Variants in SLC27A3 observed in about 807,000 individuals in gnomAD.
SLC27A3 encodes the protein solute carrier family 27 member 3.
Under a neutral mutation model 60.1 loss-of-function variants are expected in SLC27A3, and 60 were observed. The ratio of observed to expected loss-of-function variants is 1.00; its 90% CI spans 0.81 to 1.24. The LOEUF (loss-of-function observed/expected upper bound fraction) is 1.24, where lower values mean the gene tolerates loss of function less well. Among genes scored for constraint, SLC27A3 ranks in the 50% most tolerant of loss-of-function variants. The pLI is 0.00. For missense variants in SLC27A3, 1,079 were observed against 929.9 expected, an observed-to-expected ratio of 1.16 and a Z score of -2.09; for synonymous variants, 455 against 409.0, an observed-to-expected ratio of 1.11 and a Z score of -1.36.
Position 153,778,721 on chromosome 1 carries a change from G to A in SLC27A3, c.1482G>A (p.Gln494=). ...GGCTGCTGGTGGCCCCGGTAAGCCA[G>A]CAGTCCCCATTCCTGGGCTATGCTG... The part of the protein sequence containing the change: ...EPGLLVAPVS[Q]QSPFLGYAGG... Residue 494 remains glutamine, a synonymous_variant, in exon 7 of 10, where the codon CAG becomes CAA. Coordinates refer to ENST00000624995, the MANE Select transcript of SLC27A3 (RefSeq NM_024330.4). 1 of 1,613,412 alleles carries A rather than the reference G, an allele frequency of 6.2e-7. No individual in the cohort carries two copies. Among genetic ancestry groups the A allele is most frequent in the Non-Finnish European group, 8.5e-7 (1 of 1,180,008 alleles).
intron 7 of SLC27A3, 53 bp from the exon 8 acceptor site, chr1:153,779,061 C>A: frequency 6.4e-7 from 1 of 1,572,504 alleles, no homozygotes. Flanking sequence ...CCCCACCAAG[C>A]CCATAAGGCC....
rs769149759 is a variant in SLC27A3 at position 153,777,781 on chromosome 1, T to G, written c.1057T>G (p.Ser353Ala). ...GGCAGGGGCCACAGTGGTGCTGAAA[T>G]CCAAGTTCTCGGCTGGTCAGTTCTG... ...MGIGATVVLK[S>A]KFSAGQFWED... The change falls in exon 4 of 10, where the codon TCC becomes GCC. Residue 353 changes from serine to alanine, a missense_variant. Physicochemically the swap from Ser to Ala is moderately conservative, Grantham distance 99 (BLOSUM62 1). Transcript: ENST00000624995. The G allele has an allele frequency of 1.2e-6, 2 of 1,614,164 alleles. No individual in the cohort carries two copies. The highest frequency in any genetic ancestry group is 1.7e-6 in the Non-Finnish European group (2 of 1,180,020).
intron 1 of SLC27A3, 27 bp from the exon 2 acceptor site, chr1:153,776,491 C>T: frequency 3.1e-6 from 5 of 1,596,968 alleles, no homozygotes; most frequent in Non-Finnish European, 4.3e-6. Context: ...GCCAGGGCCC[C>T]GGCGTTGTGC....
In SLC27A3 at chr1:153,780,147, T is replaced by A; in HGVS notation, c.*145T>A. On this transcript the variant is annotated 3_prime_UTR_variant, in exon 10 of 10. Transcript: ENST00000624995. ...TGTGGCTGGAGCTGATCCAGCTGTC[T>A]CTGACCTACAGTATCTGTCATTATC... 1.4e-6 allele frequency: 1 copy of A among 708,542 alleles called. No homozygotes were observed. The highest frequency in any genetic ancestry group is 2.3e-6 in the Non-Finnish European group (1 of 435,150). 43.9% of individuals were successfully genotyped at this position (708,542 alleles called of 1,614,324 possible). A position where few individuals can be genotyped will look rare whatever the true frequency, so the allele number is the denominator to read the frequency against.
At chr1:153,776,457 G>A in intron 1 of SLC27A3, 61 bp from the exon 2 acceptor site, 5 of 1,473,990 alleles carry the variant, frequency 3.4e-6, no homozygotes, top group Non-Finnish European at 4.6e-6. Flanking sequence ...GAGGGGACAT[G>A]GGTCATAGGC....
chr1:153,776,957 C>A, intron 2 of SLC27A3, 105 bp from the exon 3 acceptor site: 1 of 1,309,526 alleles, frequency 7.6e-7, no homozygotes, highest in Non-Finnish European at 1.1e-6. Flanking sequence ...CAGCTTCTGT[C>A]CTGCCTCCGC....
In SLC27A3 at chr1:153,776,604, G is replaced by A; in HGVS notation, c.754G>A (p.Ala252Thr). 1 of 1,614,216 alleles carries A rather than the reference G, an allele frequency of 6.2e-7. No homozygotes were observed. Among genetic ancestry groups the A allele is most frequent in the Non-Finnish European group, 8.5e-7 (1 of 1,180,034 alleles). The change falls in exon 2 of 10, where the codon GCT becomes ACT. Residue 252 changes from alanine to threonine, a missense_variant. Ala to Thr is a moderately conservative substitution (Grantham distance 58). Transcript: ENST00000624995. Reference sequence around the variant, plus strand: ...GGCTGCAGGCCCAGGAACCCACCCTGCTGGAATTAGCGATTTGCTGGCTGA... The same window carrying A: ...GGCTGCAGGCCCAGGAACCCACCCTACTGGAATTAGCGATTTGCTGGCTGA... The part of the protein sequence containing the change: ...LWAAGPGTHP[A>T]GISDLLAEVS...
intron 4 of SLC27A3, 101 bp from the exon 5 acceptor site, chr1:153,778,060 G>GTCACAT: frequency 2.7e-6 from 4 of 1,487,576 alleles, no homozygotes; most frequent in Non-Finnish European, 3.6e-6. Flanking sequence ...TCTGAAGGAG[G>GTCACAT]TCACAGTAGG....
Position 153,775,843 on chromosome 1 carries a change from G to A in SLC27A3, c.346G>A (p.Gly116Arg), listed in dbSNP as rs764414485. The A allele has an allele frequency of 2.7e-6, 4 of 1,493,748 alleles. No homozygotes were observed. In the African/African-American group the frequency reaches 5.9e-5, roughly 22 times the overall value. 92.5% of individuals were successfully genotyped at this position (1,493,748 alleles called of 1,614,324 possible). Reference protein sequence around the residue: ...AFLRALGWDWGPDGGDSGEGS... With the variant: ...AFLRALGWDWRPDGGDSGEGS... ...CCTACGTGCGCTAGGCTGGGACTGGGGACCCGACGGCGGCGACAGCGGCGA... is the reference window on the plus strand; with the variant it reads ...CCTACGTGCGCTAGGCTGGGACTGGAGACCCGACGGCGGCGACAGCGGCGA... The change falls in exon 1 of 10, where the codon GGA (glycine) becomes AGA (arginine). Residue 116 changes from glycine (G) to arginine (R), a missense_variant. By Grantham distance (125) the Gly-to-Arg change is moderately radical. Coordinates refer to ENST00000624995, the MANE Select transcript of SLC27A3 (RefSeq NM_024330.4).
intron 4 of SLC27A3, 94 bp downstream of exon 4, chr1:153,777,979 A>G: frequency 3.8e-6 from 6 of 1,561,868 alleles, no homozygotes; most frequent in Non-Finnish European, 5.2e-6. Context: ...TGGAGGGAGA[A>G]GCAGCAAGAA....
Position 153,779,463 on chromosome 1 carries a change from T to G in SLC27A3, c.1865T>G (p.Leu622Arg). 6.2e-7 allele frequency: 1 copy of G among 1,613,152 alleles called. No individual in the cohort carries two copies. Among genetic ancestry groups the G allele is most frequent in the Non-Finnish European group, 8.5e-7 (1 of 1,179,868 alleles). The change falls in exon 9 of 10, where the codon CTC (leucine) becomes CGC (arginine). Residue 622 changes from leucine (L) to arginine (R), a missense_variant. By Grantham distance (102) the Leu-to-Arg change is moderately radical. Transcript: ENST00000624995. ...NLPPYARPRF[L>R]RLQESLATTE... is the part of the protein sequence containing the mutation. ...CCACCTTATGCCCGGCCCCGATTCCTCAGGCTCCAGGTAACCGGCCACTTC... is the reference window on the plus strand; with the variant it reads ...CCACCTTATGCCCGGCCCCGATTCCGCAGGCTCCAGGTAACCGGCCACTTC...
Position 153,779,851 on chromosome 1 carries a change from T to TCAAA in SLC27A3, c.1904_1907dup (p.Gln637ThrfsTer9), listed in dbSNP as rs754569929. ...GAGTCTTTGGCCACCACAGAGACCT[T>TCAAA]CAAACAGCAGAAAGTTCGGATGGCA... is the stretch of plus-strand genomic sequence containing the variant. On this transcript the variant is annotated frameshift_variant, in exon 10 of 10. Coordinates refer to ENST00000624995, the MANE Select transcript of SLC27A3 (RefSeq NM_024330.4). LOFTEE classifies it low-confidence loss of function (END_TRUNC). The TCAAA allele has an allele frequency of 3.1e-6, 5 of 1,613,674 alleles. No individual in the cohort carries two copies. In the African/African-American group the frequency reaches 4.0e-5, roughly 13 times the overall value.
Position 153,775,563 on chromosome 1 carries a change from C to G in SLC27A3, c.66C>G (p.Leu22=). Residue 22 remains leucine, a synonymous_variant, in exon 1 of 10, where the codon CTC becomes CTG. Coordinates refer to ENST00000624995, the MANE Select transcript of SLC27A3 (RefSeq NM_024330.4). ...LLPLLLLKLH[L]WPQLRWLPAD... is the part of the protein sequence containing the mutation. Reference sequence around the variant, plus strand: ...CGCTGCTGCTGCTGAAGCTACACCTCTGGCCGCAGTTGCGCTGGCTTCCGG... The same window carrying G: ...CGCTGCTGCTGCTGAAGCTACACCTGTGGCCGCAGTTGCGCTGGCTTCCGG... 6.2e-7 allele frequency: 1 copy of G among 1,611,164 alleles called. No individual in the cohort carries two copies. The highest frequency in any genetic ancestry group is 8.5e-7 in the Non-Finnish European group (1 of 1,179,758).
rs757176382 is a variant in SLC27A3 at position 153,776,088 on chromosome 1, G to A, written c.591G>A (p.Val197=). ...LAKAGLRTAF[V]PTALRRGPLL... ...AGGCCGGCCTGCGCACTGCCTTTGT[G>A]CCCACCGCCCTGCGCCGGGGCCCCC... Residue 197 remains valine (V), a synonymous_variant, in exon 1 of 10, where the codon GTG becomes GTA. Transcript: ENST00000624995. The A allele has an allele frequency of 1.3e-6, 2 of 1,484,434 alleles. No homozygotes were observed. The highest frequency in any genetic ancestry group is 1.8e-6 in the Non-Finnish European group (2 of 1,131,350). 92.0% of individuals were successfully genotyped at this position (1,484,434 alleles called of 1,614,324 possible).
At chr1:153,779,678 T>G (rs1570904000) in intron 9 of SLC27A3, 148 bp from the exon 10 acceptor site, 2 of 712,812 alleles carry the variant, frequency 2.8e-6, no homozygotes, top group Non-Finnish European at 4.3e-6. Context: ...CTGGCCTGGC[T>G]CTTTCTCCTC....
chr1:153,780,002 A>G lies in SLC27A3; in HGVS notation c.2052A>G (p.Ter684TrpextTer?), dbSNP rs199682747. 6.0e-5 allele frequency: 96 copies of G among 1,610,468 alleles called. No homozygotes were observed. The Admixed American group carries it at 7.6e-4, about 13-fold the overall frequency. Residue 684 changes from the stop codon to tryptophan (W), a stop_lost, in exon 10 of 10, where the codon TGA becomes TGG. Transcript: ENST00000624995. ...SALLAGNLRI[*>W] is the part of the protein sequence containing the mutation. ...TCCTGGCAGGAAACCTTCGAATCTG[A>G]GAACTTCCACACCTGAGGCACCTGA...
chr1:153,776,336 G>T (rs974239860), intron 1 of SLC27A3, 172 bp downstream of exon 1: 1 of 1,383,128 alleles, frequency 7.2e-7, no homozygotes, highest in African/African-American at 1.5e-5. Flanking sequence ...GGATGAGGCT[G>T]AATCTTTGGT....
chr1:153,775,652 C>T lies in SLC27A3; in HGVS notation c.155C>T (p.Ala52Val). The T allele has an allele frequency of 1.3e-6, 2 of 1,528,386 alleles. No individual in the cohort carries two copies. Among genetic ancestry groups the T allele is most frequent in the Admixed American group, 2.0e-5 (1 of 49,782 alleles). 94.7% of individuals were successfully genotyped at this position (1,528,386 alleles called of 1,614,324 possible). The change falls in exon 1 of 10, where the codon GCC (alanine) becomes GTC (valine). Residue 52 changes from alanine (A) to valine (V), a missense_variant. Transcript: ENST00000624995. ...CKRALRARAL[A>V]AAAADPEGPE... Reference sequence around the variant, plus strand: ...AGGGCTCTTCGAGCTCGCGCCCTGGCCGCGGCTGCCGCCGACCCGGAAGGT... The same window carrying T: ...AGGGCTCTTCGAGCTCGCGCCCTGGTCGCGGCTGCCGCCGACCCGGAAGGT...
Position 153,775,566 on chromosome 1 carries a change from G to A in SLC27A3, c.69G>A (p.Trp23Ter), listed in dbSNP as rs983789638. The A allele has an allele frequency of 3.1e-6, 5 of 1,610,506 alleles. No individual in the cohort carries two copies. In the African/African-American group the frequency reaches 6.7e-5, roughly 21 times the overall value. Residue 23 changes from tryptophan to a stop codon, truncating the protein, a stop_gained, in exon 1 of 10, where the codon TGG (tryptophan) becomes TGA (stop). Transcript: ENST00000624995. LOFTEE classifies it high-confidence loss of function. The stretch of plus-strand genomic sequence containing the variant: ...TGCTGCTGCTGAAGCTACACCTCTG[G>A]CCGCAGTTGCGCTGGCTTCCGGCGG... The part of the protein sequence containing the change: ...LPLLLLKLHL[W>*]PQLRWLPADL...
Sources: allele counts gnomAD v4.1 joint callset, GRCh38; gene constraint gnomAD v4.1.1; transcripts MANE v1.5; gene names NCBI Gene and HGNC (gene_info 2026-07-23, HGNC 2026-07-21).